Variants in THRB observed in about 807,000 individuals in gnomAD.
THRB encodes the protein nuclear receptor subfamily 1 group A member 2.
A neutral mutation model predicts 47.8 loss-of-function variants in THRB; 12 were observed. The ratio of observed to expected loss-of-function variants is 0.25; its 90% CI spans 0.16 to 0.41. The LOEUF (loss-of-function observed/expected upper bound fraction) is 0.41, where lower values mean the gene tolerates loss of function less well. Ranked by LOEUF, THRB falls within the 10% of genes least tolerant of loss-of-function variation. The probability of loss-of-function intolerance (pLI) is 1.00; values close to 1 mark genes in which losing one functional copy is unlikely to be tolerated. For synonymous variants in THRB, 218 were observed against 212.2 expected (o/e 1.03, Z -0.24); for missense variants, 348 against 589.2 (o/e 0.59, Z 4.24).
At chr3:24,293,533 T>C (rs1028807210) in intron 3 of THRB, among the ~76,000 whole-genome samples, 1 of 152,238 alleles carries the variant, frequency 6.6e-6, no homozygotes, top group Non-Finnish European at 1.5e-5. Flanking sequence ...AATTGTATCA[T>C]TTTGCCATAA....
At chr3:24,288,530 T>C (rs993439273) in intron 3 of THRB, among the ~76,000 whole-genome samples, 3 of 152,188 alleles carry the variant, frequency 2.0e-5, no homozygotes, top group African/African-American at 7.2e-5. Context: ...CATTAATAGA[T>C]TTAATACCTG....
chr3:24,186,569 T>G (rs1489698793), intron 5 of THRB, among the ~76,000 whole-genome samples: 1 of 152,140 alleles, frequency 6.6e-6, no homozygotes, highest in Non-Finnish European at 1.5e-5. Context: ...CTTCCATAGC[T>G]CTCATTCTAA....
chr3:24,337,199 A>G (rs998629657), intron 2 of THRB, 101 bp downstream of exon 2: 4 of 152,224 alleles, frequency 2.6e-5, no homozygotes, highest in Non-Finnish European at 5.9e-5. Flanking sequence ...AAATAACAAC[A>G]GCAGCAACAC....
chr3:24,198,358 T>C (rs1453731451), intron 4 of THRB, among the ~76,000 whole-genome samples: 3 of 152,038 alleles, frequency 2.0e-5, no homozygotes, highest in Admixed American at 6.6e-5. Context: ...GTGAAAGTAC[T>C]TCACAATGTT....
intron 10 of THRB, among the ~76,000 whole-genome samples, chr3:24,124,937 GAA>G: frequency 6.6e-6 from 1 of 152,328 alleles, no homozygotes; most frequent in Non-Finnish European, 1.5e-5. Context: ...GGTGGATTGT[GAA>G]AAGTTATTAA....
intron 3 of THRB, among the ~76,000 whole-genome samples, chr3:24,236,925 A>T (rs2048934014): frequency 6.6e-6 from 1 of 152,216 alleles, no homozygotes; most frequent in Non-Finnish European, 1.5e-5. Flanking sequence ...TTAAGAACTC[A>T]AATAGGAGAA....
chr3:24,177,988 T>C (rs900932624), intron 5 of THRB, among the ~76,000 whole-genome samples: 3 of 152,184 alleles, frequency 2.0e-5, no homozygotes, highest in Non-Finnish European at 4.4e-5. Context: ...TCTTTGCCCC[T>C]ATTATGGAGA....
intron 1 of THRB, among the ~76,000 whole-genome samples, chr3:24,492,154 T>G (rs532136493): frequency 6.6e-6 from 1 of 152,174 alleles, no homozygotes; most frequent in Non-Finnish European, 1.5e-5. Context: ...TTGGACACAA[T>G]CATTAATTTA....
chr3:24,481,906 G>C (rs1209249567), intron 1 of THRB, among the ~76,000 whole-genome samples: 1 of 151,276 alleles, frequency 6.6e-6, no homozygotes, highest in East Asian at 1.9e-4. Context: ...AGGTAAGTGA[G>C]TGCCTATTAT....
chr3:24,129,627 T>C (rs561583382), intron 9 of THRB, among the ~76,000 whole-genome samples: 3 of 152,262 alleles, frequency 2.0e-5, no homozygotes, highest in Non-Finnish European at 4.4e-5. Context: ...TGTAGGATCC[T>C]GGTGAGATTT....
chr3:24,189,794 A>AACTT (rs2149588112), intron 5 of THRB, among the ~76,000 whole-genome samples: 1 of 152,356 alleles, frequency 6.6e-6, no homozygotes, highest in African/African-American at 2.4e-5. Context: ...TTAAAGCCAA[A>AACTT]ACTTACAACC....
At chr3:24,149,288 C>T (rs1463178253) in intron 6 of THRB, among the ~76,000 whole-genome samples, 1 of 152,062 alleles carries the variant, frequency 6.6e-6, no homozygotes, top group Admixed American at 6.5e-5. Flanking sequence ...TACCAAAGTC[C>T]AAGACATCCA....
chr3:24,187,067 C>A (rs1175821401), intron 5 of THRB, among the ~76,000 whole-genome samples: 1 of 151,010 alleles, frequency 6.6e-6, no homozygotes, highest in Non-Finnish European at 1.5e-5. Context: ...AAGTGAAAGA[C>A]TATTTTAAAA....
At chr3:24,174,352 CA>C (rs1314720590) in intron 5 of THRB, among the ~76,000 whole-genome samples, 8 of 152,084 alleles carry the variant, frequency 5.3e-5, no homozygotes, top group African/African-American at 1.9e-4. Flanking sequence ...CACAAAGGGC[CA>C]ACTATTCTAT....
At chr3:24,164,233 A>C (rs2039318815) in intron 5 of THRB, among the ~76,000 whole-genome samples, 1 of 152,170 alleles carries the variant, frequency 6.6e-6, no homozygotes, top group African/African-American at 2.4e-5. Flanking sequence ...TCAGTAATAC[A>C]AGAAATGTTC....
intron 4 of THRB, among the ~76,000 whole-genome samples, chr3:24,207,491 T>A (rs1245782607): frequency 6.6e-6 from 1 of 152,140 alleles, no homozygotes; most frequent in African/African-American, 2.4e-5. Flanking sequence ...TGATGGGACA[T>A]ATCTCAAAAT....
intron 3 of THRB, among the ~76,000 whole-genome samples, chr3:24,278,287 T>C (rs1489028307): frequency 6.6e-6 from 1 of 152,190 alleles, no homozygotes; most frequent in East Asian, 1.9e-4. Context: ...GAAGCAGGCA[T>C]AAAGTATGCT....
intron 1 of THRB, among the ~76,000 whole-genome samples, chr3:24,469,847 A>T (rs1368432409): frequency 6.6e-6 from 1 of 152,218 alleles, no homozygotes; most frequent in Non-Finnish European, 1.5e-5. Context: ...TGACAGGCAT[A>T]ATCTTTTAGA....
At chr3:24,316,277 C>T (rs1452257975) in intron 2 of THRB, among the ~76,000 whole-genome samples, 1 of 152,138 alleles carries the variant, frequency 6.6e-6, no homozygotes, top group East Asian at 1.9e-4. Context: ...CTTCTAAAAG[C>T]CTGAATCATA....
Sources: allele counts gnomAD v4.1 joint callset (sites outside exome capture counted in the v4.1 genomes callset), GRCh38; gene constraint gnomAD v4.1.1; transcripts MANE v1.5; gene names NCBI Gene and HGNC (gene_info 2026-07-23, HGNC 2026-07-21).